Variants in EPB41L3 observed in about 807,000 individuals in gnomAD.
The protein encoded by EPB41L3 is band 4.1-like protein 3.
In EPB41L3, 57 loss-of-function variants were observed where a neutral mutation model predicts 127.1. The ratio of observed to expected loss-of-function variants is 0.45; its 90% confidence interval spans 0.36 to 0.56. The LOEUF is 0.56. Ranked by LOEUF, EPB41L3 falls within the 20% of genes least tolerant of loss-of-function variation. EPB41L3 has a pLI of 0.00. For synonymous variants in EPB41L3, 572 were observed against 549.5 expected, an observed-to-expected ratio of 1.04 and a Z score of -0.57; for missense variants, 1,273 against 1,372.2, an observed-to-expected ratio of 0.93 and a Z score of 1.14.
intron 1 of EPB41L3, among the ~76,000 whole-genome samples, chr18:5,496,726 A>G (rs2091216685): frequency 6.6e-6 from 1 of 152,260 alleles, no homozygotes; most frequent in Non-Finnish European, 1.5e-5. Context: ...ACACACTGAC[A>G]AGGCTTTTTT....
intron 1 of EPB41L3, 157 bp from the exon 2 acceptor site, chr18:5,489,351 C>A (rs1475027375): frequency 1.3e-6 from 1 of 773,722 alleles, no homozygotes; most frequent in East Asian, 3.3e-5. Context: ...GATGACTTGT[C>A]AACTTCACCA....
At chr18:5,532,572 T>A (rs1042828806) in intron 1 of EPB41L3, among the ~76,000 whole-genome samples, 6 of 152,202 alleles carry the variant, frequency 3.9e-5, no homozygotes, top group Non-Finnish European at 8.8e-5. Context: ...GACATGCGTT[T>A]GACAACCAAG....
chr18:5,440,607 C>T (rs1185329020), intron 5 of EPB41L3, among the ~76,000 whole-genome samples: 1 of 152,126 alleles, frequency 6.6e-6, no homozygotes, highest in Non-Finnish European at 1.5e-5. Flanking sequence ...TTTTAAGTTA[C>T]AAATTTATGA....
At position 5,499,151 on chromosome 18, in the gene EPB41L3, T is replaced by A. The variant is rs754692535; in HGVS notation, c.-11-9957A>T. Among the ~76,000 whole-genome samples the A allele has an allele frequency of 7.9e-5, 12 of 152,184 alleles. 1 individual carries two copies. The highest frequency in any genetic ancestry group is 1.8e-4 in the Non-Finnish European group (12 of 68,030). On this transcript the variant is annotated intron_variant, in intron 1 of 22. Transcript: ENST00000341928. ...TTAGTTAGTCACCTCCCTCCTGCTC[T>A]CTACATGCTCAGCTCACCCCAACAG...
intron 3 of EPB41L3, among the ~76,000 whole-genome samples, chr18:5,552,625 G>T (rs769664165): frequency 6.6e-6 from 1 of 152,104 alleles, no homozygotes; most frequent in Non-Finnish European, 1.5e-5. Flanking sequence ...GGTACATCAC[G>T]ATGCCTGGCC....
At chr18:5,398,232 T>C (rs1858957408) in intron 16 of EPB41L3, 89 bp from the exon 17 acceptor site, 1 of 1,486,582 alleles carries the variant, frequency 6.7e-7, no homozygotes, top group Non-Finnish European at 9.2e-7. Context: ...GACAAAATCG[T>C]AGGCAGAGGA....
chr18:5,591,529 T>C (rs906451344), intron 3 of EPB41L3, among the ~76,000 whole-genome samples: 5 of 152,280 alleles, frequency 3.3e-5, no homozygotes, highest in African/African-American at 1.2e-4. Flanking sequence ...CATCTTCTAA[T>C]AGTATCACTG....
chr18:5,602,187 T>C (rs2094598703), intron 3 of EPB41L3, among the ~76,000 whole-genome samples: 1 of 152,186 alleles, frequency 6.6e-6, no homozygotes, highest in Non-Finnish European at 1.5e-5. Flanking sequence ...GTGTTTCAAT[T>C]AGTTTTTCAC....
Position 5,422,510 on chromosome 18 carries a change from T to C in EPB41L3, c.1339+868A>G, listed in dbSNP as rs78086052. Among the ~76,000 whole-genome samples the C allele has an allele frequency of 6.7e-3, 1,019 of 152,314 alleles. 5 individuals are homozygous for C. The highest frequency in any genetic ancestry group is 0.024 in the African/African-American group (978 of 41,570). On this transcript the variant is annotated intron_variant, in intron 11 of 22. Transcript: ENST00000341928. ...CCTTATTATTTAAACCATACTTGCA[T>C]ACCAGAAACTCCTAATTCTTTTTAT...
At chr18:5,428,253 T>A (rs2078497449) in intron 9 of EPB41L3, 60 bp downstream of exon 9, 2 of 1,593,814 alleles carry the variant, frequency 1.3e-6, no homozygotes, top group Non-Finnish European at 1.7e-6. Flanking sequence ...ATAATTTAAA[T>A]GCTTGCTTGC....
Position 5,543,079 on chromosome 18 carries a change from G to A in EPB41L3, c.-12+834C>T, listed in dbSNP as rs1366298598. ...CGCCAGGTGAGTCGCGCCGCCCCGA[G>A]CCCCCGGGCCACGGCAGGCCGACCC... is the stretch of plus-strand genomic sequence containing the variant. On this transcript the variant is annotated intron_variant, in intron 1 of 22. Coordinates refer to ENST00000341928, the MANE Select transcript of EPB41L3 (RefSeq NM_012307.5). The surrounding 1 kb of genome is among the most constrained non-coding windows in gnomAD (Gnocchi z 5.2). Among the ~76,000 whole-genome samples, 3 of 151,712 alleles carry A rather than the reference G, an allele frequency of 2.0e-5. No homozygotes were observed. In the East Asian group the frequency reaches 5.8e-4, roughly 29 times the overall value.
intron 1 of EPB41L3, among the ~76,000 whole-genome samples, chr18:5,489,543 C>T (rs1343064083): frequency 6.6e-6 from 1 of 152,166 alleles, no homozygotes; most frequent in African/African-American, 2.4e-5. Context: ...GCTGTATCAC[C>T]TGCATATATA....
intron 3 of EPB41L3, among the ~76,000 whole-genome samples, chr18:5,461,407 T>G (rs2083979039): frequency 6.6e-6 from 1 of 152,210 alleles, no homozygotes; most frequent in Non-Finnish European, 1.5e-5. Context: ...CATTCCTAAG[T>G]GCAAATAGGA....
chr18:5,499,481 T>C (rs1350524217), intron 1 of EPB41L3, among the ~76,000 whole-genome samples: 1 of 152,096 alleles, frequency 6.6e-6, no homozygotes, highest in African/African-American at 2.4e-5. Context: ...TACTTTGTTT[T>C]GGCTGGGTGC....
At position 5,622,416 on chromosome 18, in the gene EPB41L3, G is replaced by A. The variant is rs545997280; in HGVS notation, c.-468+6506C>T. Reference sequence around the variant, plus strand: ...AAGACTCAACAAACTTAGGTGACTTGTCGCCAGATAGCCAGCTAGTACCTA... The same window carrying A: ...AAGACTCAACAAACTTAGGTGACTTATCGCCAGATAGCCAGCTAGTACCTA... On this transcript the variant is annotated intron_variant, in intron 1 of 21. Transcript: ENST00000545076. Among the ~76,000 whole-genome samples, 3 of 152,320 alleles carry A rather than the reference G, an allele frequency of 2.0e-5. No homozygotes were observed. In the South Asian group the frequency reaches 6.2e-4, roughly 32 times the overall value.
intron 3 of EPB41L3, among the ~76,000 whole-genome samples, chr18:5,451,061 G>A (rs2082220031): frequency 6.6e-6 from 1 of 152,128 alleles, no homozygotes; most frequent in Non-Finnish European, 1.5e-5. Context: ...ACTGCAAAAT[G>A]GTGATATTCT....
chr18:5,440,955 C>G (rs1292570788), intron 5 of EPB41L3, among the ~76,000 whole-genome samples: 3 of 152,190 alleles, frequency 2.0e-5, no homozygotes, highest in Non-Finnish European at 4.4e-5. Flanking sequence ...CAGCTCACTG[C>G]AGCCTTGAAC....
intron 12 of EPB41L3, among the ~76,000 whole-genome samples, chr18:5,419,046 G>A (rs2077155484): frequency 6.6e-6 from 1 of 152,078 alleles, no homozygotes; most frequent in Admixed American, 6.5e-5. Flanking sequence ...GCTTTGTAGT[G>A]CTGGATCACC....
intron 1 of EPB41L3, chr18:5,489,478 G>A (rs943562366): frequency 1.4e-5 from 5 of 364,238 alleles, no homozygotes; most frequent in Non-Finnish European, 1.9e-5. Context: ...ATTGTTAAAT[G>A]ACATTAAAGA....
Sources: allele counts gnomAD v4.1 joint callset (sites outside exome capture counted in the v4.1 genomes callset), GRCh38; gene constraint gnomAD v4.1.1; non-coding constraint Gnocchi (gnomAD v3.1); transcripts MANE v1.5; gene names NCBI Gene and HGNC (gene_info 2026-07-23, HGNC 2026-07-21).